Variants in MPO observed in about 807,000 individuals in gnomAD.
The protein encoded by MPO is myeloperoxidase.
MPO carries 57 observed loss-of-function variants against 69.4 expected under a neutral mutation model. That is an observed-to-expected ratio of 0.82 (90% CI 0.66 to 1.02). MPO has a LOEUF of 1.02. MPO is among the 50% of genes least tolerant of loss of function. The pLI is 0.00. For missense variants in MPO, 971 were observed against 1,014.1 expected, an observed-to-expected ratio of 0.96 and a Z score of 0.58; for synonymous variants, 426 against 417.1, an observed-to-expected ratio of 1.02 and a Z score of -0.26.
chr17:58,278,063 T>C lies in MPO; in HGVS notation c.968A>G (p.Asn323Ser). Residue 323 changes from asparagine to serine, a missense_variant, in exon 7 of 12, where the codon AAC (asparagine) becomes AGC (serine). By Grantham distance (46) the Asn-to-Ser change is conservative. Coordinates refer to ENST00000225275, the MANE Select transcript of MPO (RefSeq NM_000250.2). ...GTTGATCTGGTTGCGGATGGTGATG[T>C]TGCTCCCGGGGCAAGCCGGGCAGGA... ...FRSCPACPGS[N>S]ITIRNQINAL... is the part of the protein sequence containing the mutation. 1.2e-6 allele frequency: 2 copies of C among 1,612,724 alleles called. No homozygotes were observed. The highest frequency in any genetic ancestry group is 1.1e-5 in the South Asian group (1 of 91,080).
chr17:58,273,837 G>C (rs1198242596), intron 8 of MPO, among the ~76,000 whole-genome samples, 168 bp from the exon 9 acceptor site: 2 of 152,226 alleles, frequency 1.3e-5, no homozygotes, highest in African/African-American at 4.8e-5. Flanking sequence ...GGGCCTAACA[G>C]AGTGGCACTG....
In MPO at chr17:58,275,657, G is replaced by A. The variant is rs371556942; in HGVS notation, c.1250C>T (p.Thr417Ile). 3 of 1,614,208 alleles carry A rather than the reference G, an allele frequency of 1.9e-6. No individual in the cohort carries two copies. Among genetic ancestry groups the A allele is most frequent in the Non-Finnish European group, 2.5e-6 (3 of 1,180,046 alleles). The change falls in exon 8 of 12, where the codon ACC becomes ATC. Residue 417 changes from threonine (T) to isoleucine (I), a missense_variant. Physicochemically the swap from Thr to Ile is moderately conservative, Grantham distance 89. Transcript: ENST00000225275. The surrounding 1 kb of genome is among the most constrained non-coding windows in gnomAD (Gnocchi z 4.1). ...CCGGTTGTGCTCCCGAAGTAAGAGGGTGTGCATGGAGGTGAGCTCGGGCAT... is the reference window on the plus strand; with the variant it reads ...CCGGTTGTGCTCCCGAAGTAAGAGGATGTGCATGGAGGTGAGCTCGGGCAT... ...SEMPELTSMH[T>I]LLLREHNRLA...
intron 10 of MPO, 57 bp from the exon 11 acceptor site, chr17:58,271,949 A>C: frequency 2.6e-6 from 4 of 1,560,772 alleles, no homozygotes; most frequent in Admixed American, 3.4e-5. Context: ...CAAGGTGGGG[A>C]GGTCACTGGA....
rs150740908 is a variant in MPO, at chr17:58,275,847, T to G, written c.1205-145A>C. On this transcript the variant is annotated intron_variant, in intron 7 of 11. Transcript: ENST00000225275. This position sits in a 1 kb window ranked among gnomAD's most constrained non-coding sequence, Gnocchi z 4.1. ...CCATCTTTTCAAACTATCCCCAATT[T>G]ACACTCCTCTAGGAGGCCTTCCCTG... is the stretch of plus-strand genomic sequence containing the variant. 2.0e-6 allele frequency: 2 copies of G among 1,009,398 alleles called. No individual in the cohort carries two copies. The highest frequency in any genetic ancestry group is 5.2e-5 in the East Asian group (2 of 38,360). 62.5% of individuals were successfully genotyped at this position (1,009,398 alleles called of 1,614,324 possible). A position where few individuals can be genotyped will look rare whatever the true frequency, so the allele number is the denominator to read the frequency against.
At position 58,278,099 on chromosome 17, in the gene MPO, G is replaced by T. The variant is rs141929667; in HGVS notation, c.932C>A (p.Pro311Gln). The T allele has an allele frequency of 9.3e-6, 15 of 1,607,670 alleles. No homozygotes were observed. Among genetic ancestry groups the T allele is most frequent in the East Asian group, 6.7e-5 (3 of 44,874 alleles). ...PRIKNQADCI[P>Q]FFRSCPACPG... The stretch of plus-strand genomic sequence containing the variant: ...GCAAGCCGGGCAGGAGCGGAAGAAC[G>T]GGATGCAGTCGGCTTGGTTCTTGAT... Residue 311 changes from proline (P) to glutamine (Q), a missense_variant, in exon 7 of 12, where the codon CCG becomes CAG. By Grantham distance (76) the Pro-to-Gln change is moderately conservative (BLOSUM62 -1). Coordinates refer to ENST00000225275, the MANE Select transcript of MPO (RefSeq NM_000250.2).
At chr17:58,276,100 G>A (rs572817882) in intron 7 of MPO, among the ~76,000 whole-genome samples, 1 of 152,354 alleles carries the variant, frequency 6.6e-6, no homozygotes, top group African/African-American at 2.4e-5. Flanking sequence ...TACAAAGTAT[G>A]AGACTTATGA....
Position 58,275,671 on chromosome 17 carries a change from G to A in MPO, c.1236C>T (p.Leu412=), listed in dbSNP as rs1970427193. 4 of 1,614,198 alleles carry A rather than the reference G, an allele frequency of 2.5e-6. No homozygotes were observed. The highest frequency in any genetic ancestry group is 3.4e-6 in the Non-Finnish European group (4 of 1,180,046). The change falls in exon 8 of 12, where the codon CTC becomes CTT. Residue 412 remains leucine, a synonymous_variant. Transcript: ENST00000225275. This position sits in a 1 kb window ranked among gnomAD's most constrained non-coding sequence, Gnocchi z 4.1. ...GAAGTAAGAGGGTGTGCATGGAGGT[G>A]AGCTCGGGCATCTCACTGGAACGGG... is the stretch of plus-strand genomic sequence containing the variant. The part of the protein sequence containing the change: ...GDTRSSEMPE[L]TSMHTLLLRE...
intron 10 of MPO, among the ~76,000 whole-genome samples, chr17:58,272,437 A>G (rs1282334048): frequency 6.6e-6 from 1 of 152,202 alleles, no homozygotes; most frequent in Non-Finnish European, 1.5e-5. Context: ...CTCTTCCCCC[A>G]GAGTTAACGT....
chr17:58,270,567 G>T lies in MPO; in HGVS notation c.*89C>A. 1 of 1,057,560 alleles carries T rather than the reference G, an allele frequency of 9.5e-7. No homozygotes were observed. The allele number at this position is 1,057,560 out of a possible 1,614,324, so 65.5% of individuals were successfully genotyped here. On this transcript the variant is annotated 3_prime_UTR_variant, in exon 12 of 12. Coordinates refer to ENST00000225275, the MANE Select transcript of MPO (RefSeq NM_000250.2). This position sits in a 1 kb window ranked among gnomAD's most constrained non-coding sequence, Gnocchi z 4.1. ...TTTTCTCAGCTGCACCCAGAACAGG[G>T]CTGGGCTCATCTAGGGCAAGGAGAT... is the stretch of plus-strand genomic sequence containing the variant.
Position 58,279,599 on chromosome 17 carries a change from A to T in MPO, c.472T>A (p.Cys158Ser). 2.5e-6 allele frequency: 4 copies of T among 1,614,118 alleles called. No homozygotes were observed. The highest frequency in any genetic ancestry group is 3.4e-6 in the Non-Finnish European group (4 of 1,180,024). The change falls in exon 4 of 12, where the codon TGC becomes AGC. Residue 158 changes from cysteine (C) to serine (S), a missense_variant. Transcript: ENST00000225275. ...GTCACCCCCACGTCCTGGTAGGCGCAGCCGCTTGACTTGGACAACACATTC... is the reference window on the plus strand; with the variant it reads ...GTCACCCCCACGTCCTGGTAGGCGCTGCCGCTTGACTTGGACAACACATTC... ...QLNVLSKSSGCAYQDVGVTCP... is the reference protein window; with the variant it reads ...QLNVLSKSSGSAYQDVGVTCP...
Position 58,279,592 on chromosome 17 carries a change from T to C in MPO, c.479A>G (p.Tyr160Cys), listed in dbSNP as rs775408046. The part of the protein sequence containing the change: ...NVLSKSSGCA[Y>C]QDVGVTCPEQ... ...CGGGCAAGTCACCCCCACGTCCTGG[T>C]AGGCGCAGCCGCTTGACTTGGACAA... The change falls in exon 4 of 12, where the codon TAC becomes TGC. Residue 160 changes from tyrosine to cysteine, a missense_variant. Physicochemically the swap from Tyr to Cys is radical, Grantham distance 194. Transcript: ENST00000225275. 5.6e-6 allele frequency: 9 copies of C among 1,613,998 alleles called. No individual in the cohort carries two copies. The Admixed American group carries it at 1.5e-4, about 27-fold the overall frequency.
chr17:58,273,943 A>T (rs764357755), intron 8 of MPO, among the ~76,000 whole-genome samples: 1 of 152,228 alleles, frequency 6.6e-6, no homozygotes, highest in African/African-American at 2.4e-5. Context: ...TACATTAAGG[A>T]TAATTATATT....
In MPO at chr17:58,277,852, T is replaced by C; in HGVS notation, c.1179A>G (p.Ser393=). 6.2e-7 allele frequency: 1 copy of C among 1,605,986 alleles called. No homozygotes were observed. The highest frequency in any genetic ancestry group is 2.2e-5 in the East Asian group (1 of 44,876). ...HDDPCLLTNR[S]ARIPCFLAGD... is the part of the protein sequence containing the mutation. ...CTGCCAGGAAGCAGGGGATGCGCGC[T>C]GAGCGGTTGGTGAGGAGACAGGGGT... Residue 393 remains serine (S), a synonymous_variant, in exon 7 of 12, where the codon TCA becomes TCG. Coordinates refer to ENST00000225275, the MANE Select transcript of MPO (RefSeq NM_000250.2).
At chr17:58,272,420 T>C (rs975310646) in intron 10 of MPO, among the ~76,000 whole-genome samples, 1 of 152,146 alleles carries the variant, frequency 6.6e-6, no homozygotes, top group African/African-American at 2.4e-5. Flanking sequence ...ATGAAGGCAA[T>C]AATAATCTCT....
chr17:58,273,715 A>C, intron 8 of MPO, 46 bp from the exon 9 acceptor site: 3 of 1,613,928 alleles, frequency 1.9e-6, no homozygotes, highest in Non-Finnish European at 2.5e-6. Flanking sequence ...ACTCCTCCAC[A>C]GCAAATGCCG....
At position 58,270,998 on chromosome 17, in the gene MPO, C is replaced by T; in HGVS notation, c.2031-135G>A. 1.1e-6 allele frequency: 1 copy of T among 893,736 alleles called. No individual in the cohort carries two copies. 55.4% of individuals were successfully genotyped at this position (893,736 alleles called of 1,614,324 possible). A position where few individuals can be genotyped will look rare whatever the true frequency, so the allele number is the denominator to read the frequency against. On this transcript the variant is annotated intron_variant, in intron 11 of 11. Transcript: ENST00000225275. This position sits in a 1 kb window ranked among gnomAD's most constrained non-coding sequence, Gnocchi z 4.1. ...CTGGAAGCACAGGAGGGCCCCAGGC[C>T]CTTGGGCAGCCCAGGGGCTTTCACA...
intron 7 of MPO, among the ~76,000 whole-genome samples, chr17:58,276,117 C>T (rs887631971): frequency 2.0e-5 from 3 of 152,192 alleles, no homozygotes; most frequent in African/African-American, 7.2e-5. Flanking sequence ...ATGAACACTG[C>T]TTGGTTCATT....
At position 58,279,147 on chromosome 17, in the gene MPO, G is replaced by A; in HGVS notation, c.746C>T (p.Ser249Leu). Residue 249 changes from serine to leucine, a missense_variant, in exon 6 of 12, where the codon TCA becomes TTA. Transcript: ENST00000225275. ...CTGGCCCCATTGCATGAACATGAGTGAGCGCTCCTGGTCCGGAGTCAGCTG... is the reference window on the plus strand; with the variant it reads ...CTGGCCCCATTGCATGAACATGAGTAAGCGCTCCTGGTCCGGAGTCAGCTG... The part of the protein sequence containing the change: ...TDQLTPDQER[S>L]LMFMQWGQLL... 2 of 1,612,746 alleles carry A rather than the reference G, an allele frequency of 1.2e-6. No homozygotes were observed. The highest frequency in any genetic ancestry group is 1.7e-6 in the Non-Finnish European group (2 of 1,179,450).
intron 11 of MPO, 141 bp downstream of exon 11, chr17:58,271,514 C>T (rs1161545039): frequency 1.2e-6 from 1 of 847,570 alleles, no homozygotes; most frequent in South Asian, 1.5e-5. Flanking sequence ...CACTCCAGGG[C>T]ATCTGGAGGA....
Sources: allele counts gnomAD v4.1 joint callset (sites outside exome capture counted in the v4.1 genomes callset), GRCh38; gene constraint gnomAD v4.1.1; non-coding constraint Gnocchi (gnomAD v3.1); transcripts MANE v1.5; gene names NCBI Gene and HGNC (gene_info 2026-07-23, HGNC 2026-07-21).